Variants in SMARCC1 observed in about 807,000 individuals in gnomAD.
The protein encoded by SMARCC1 is SWI/SNF related BAF chromatin remodeling complex subunit C1.
Under a neutral mutation model 147.4 loss-of-function variants are expected in SMARCC1, and 43 were observed. That is an observed-to-expected ratio of 0.29 (90% confidence interval 0.23 to 0.38). SMARCC1 has a LOEUF of 0.38. Among genes scored for constraint, SMARCC1 ranks in the 10% least tolerant of loss-of-function variants. The probability of loss-of-function intolerance (pLI) is 1.00; values close to 1 mark genes in which losing one functional copy is unlikely to be tolerated. For missense variants in SMARCC1, 1,119 were observed against 1,381.1 expected (o/e 0.81, Z 3.01); for synonymous variants, 495 against 484.4 (o/e 1.02, Z -0.29).
chr3:47,600,339 C>T (rs1386737372), intron 26 of SMARCC1, among the ~76,000 whole-genome samples: 2 of 152,160 alleles, frequency 1.3e-5, no homozygotes, highest in Non-Finnish European at 2.9e-5. Flanking sequence ...CTGTCAGATG[C>T]TAAGCAACTC....
intron 14 of SMARCC1, among the ~76,000 whole-genome samples, chr3:47,681,179 G>C (rs1285122894): frequency 6.6e-6 from 1 of 152,154 alleles, no homozygotes; most frequent in African/African-American, 2.4e-5. Flanking sequence ...AGCTGGCACG[G>C]CATGGCAACA....
At chr3:47,679,457 A>G (rs1297541845) in intron 15 of SMARCC1, among the ~76,000 whole-genome samples, 1 of 152,228 alleles carries the variant, frequency 6.6e-6, no homozygotes, top group Non-Finnish European at 1.5e-5. Context: ...ATGCAGCTAT[A>G]TCATCATATC....
Position 47,671,197 on chromosome 3 carries a change from A to AAC in SMARCC1, c.1840-482_1840-481dup, listed in dbSNP as rs1553682027. On this transcript the variant is annotated intron_variant, in intron 18 of 27. Coordinates refer to ENST00000254480, the MANE Select transcript of SMARCC1 (RefSeq NM_003074.4). ...TCAAAAAAAAAAAAAAAAAAAAAAA[A>AAC]ACACACACAAAAACCAAAACCAAAA... Among the ~76,000 whole-genome samples the AAC allele has an allele frequency of 7.1e-3, 441 of 62,226 alleles. 2 individuals are homozygous for AAC. Among genetic ancestry groups the AAC allele is most frequent in the South Asian group, 0.011 (25 of 2,212 alleles). The allele number at this position is 62,226 out of a possible 152,430, so 40.8% of individuals were successfully genotyped here. A position where few individuals can be genotyped will look rare whatever the true frequency, so the allele number is the denominator to read the frequency against.
Position 47,622,354 on chromosome 3 carries a change from G to T in SMARCC1, c.2647-13C>A. On this transcript the variant is annotated splice_polypyrimidine_tract_variant and intron_variant, in intron 24 of 27. Transcript: ENST00000254480. ...CTGCAGCCAGGTGCTAAGGGTACAA[G>T]ATCATTCAAGCTATTTAGGTAAACA... The T allele has an allele frequency of 6.2e-7, 1 of 1,612,396 alleles. No individual in the cohort carries two copies. The highest frequency in any genetic ancestry group is 8.5e-7 in the Non-Finnish European group (1 of 1,179,174).
At chr3:47,701,643 G>A (rs1032439315) in intron 10 of SMARCC1, 5 of 407,950 alleles carry the variant, frequency 1.2e-5, no homozygotes, top group South Asian at 8.0e-5. Context: ...GCGAATCCCC[G>A]TCTCTACTGA....
intron 14 of SMARCC1, among the ~76,000 whole-genome samples, chr3:47,682,509 A>T (rs1053402595): frequency 2.0e-5 from 3 of 152,124 alleles, no homozygotes; most frequent in Non-Finnish European, 4.4e-5. Context: ...CACCAGCCTC[A>T]GCCTCTCAAA....
chr3:47,641,091 A>C (rs1290398546), intron 21 of SMARCC1, among the ~76,000 whole-genome samples: 1 of 152,236 alleles, frequency 6.6e-6, no homozygotes, highest in Non-Finnish European at 1.5e-5. Context: ...GAAAGATGCC[A>C]ACAGTATTCT....
At chr3:47,645,881 AT>A (rs1310947553) in intron 21 of SMARCC1, among the ~76,000 whole-genome samples, 2 of 152,228 alleles carry the variant, frequency 1.3e-5, no homozygotes, top group Non-Finnish European at 2.9e-5. Flanking sequence ...TAATATCTAT[AT>A]GATAATAGTA....
At chr3:47,761,157 C>G (rs200318556) in intron 2 of SMARCC1, among the ~76,000 whole-genome samples, 1 of 60,478 alleles carries the variant, frequency 1.7e-5, no homozygotes, top group African/African-American at 4.4e-5. Context: ...AAAAGAAAAG[C>G]CAGGCGTGGT....
intron 24 of SMARCC1, among the ~76,000 whole-genome samples, chr3:47,625,971 T>C (rs2032803231): frequency 6.6e-6 from 1 of 151,838 alleles, no homozygotes; most frequent in African/African-American, 2.4e-5. Flanking sequence ...CAGGGCAACA[T>C]AATGAGACCC....
chr3:47,723,745 G>A (rs1442819383), intron 6 of SMARCC1, among the ~76,000 whole-genome samples: 2 of 152,038 alleles, frequency 1.3e-5, no homozygotes, highest in African/African-American at 4.8e-5. Context: ...GGGAGGTGGA[G>A]GTTGCAGCGA....
chr3:47,684,177 T>C (rs1663626817), intron 14 of SMARCC1, among the ~76,000 whole-genome samples: 2 of 150,020 alleles, frequency 1.3e-5, no homozygotes, highest in African/African-American at 4.9e-5. Context: ...GAGGCGGAGC[T>C]TGCAGTGAGC....
intron 2 of SMARCC1, among the ~76,000 whole-genome samples, chr3:47,767,635 C>T (rs1213747261): frequency 2.9e-5 from 4 of 138,824 alleles, no homozygotes; most frequent in Non-Finnish European, 4.6e-5. Flanking sequence ...CTTGGGAGGC[C>T]GAGGCGGGTG....
chr3:47,775,740 C>CGCACTCCAGCCTGGGT (rs1559670272), intron 1 of SMARCC1, among the ~76,000 whole-genome samples: 3 of 151,864 alleles, frequency 2.0e-5, no homozygotes, highest in South Asian at 2.1e-4. Context: ...ATCGTGCCAC[C>CGCACTCCAGCCTGGGT]GCACTCCAGC....
intron 5 of SMARCC1, 127 bp downstream of exon 5, chr3:47,735,907 A>G: frequency 2.1e-6 from 1 of 486,522 alleles, no homozygotes; most frequent in Non-Finnish European, 3.6e-6. Flanking sequence ...CTCAAGAAAA[A>G]AATTTCTTTT....
chr3:47,652,361 G>A (rs962663153), intron 21 of SMARCC1, among the ~76,000 whole-genome samples: 2 of 152,152 alleles, frequency 1.3e-5, no homozygotes, highest in African/African-American at 4.8e-5. Flanking sequence ...GGAGACAGGT[G>A]TTAAGTTCTC....
At chr3:47,669,174 A>C (rs2106746400) in intron 19 of SMARCC1, among the ~76,000 whole-genome samples, 1 of 152,360 alleles carries the variant, frequency 6.6e-6, no homozygotes, top group South Asian at 2.1e-4. Context: ...CACTTCACAG[A>C]TTCCACCTGA....
rs184192276 is a variant in SMARCC1, at chr3:47,696,984, T to C, written c.1166-3684A>G. Reference sequence around the variant, plus strand: ...TCCAGCAATCCTCTCACTGAATAGCTAGGACTACAGGGAAAGGCCACCATG... The same window carrying C: ...TCCAGCAATCCTCTCACTGAATAGCCAGGACTACAGGGAAAGGCCACCATG... On this transcript the variant is annotated intron_variant, in intron 11 of 27. Transcript: ENST00000254480. Among the ~76,000 whole-genome samples, 27 of 152,224 alleles carry C rather than the reference T, an allele frequency of 1.8e-4. 1 individual carries two copies. Among genetic ancestry groups the C allele is most frequent in the African/African-American group, 5.8e-4 (24 of 41,528 alleles).
chr3:47,737,955 G>A lies in SMARCC1; in HGVS notation c.483+74C>T, dbSNP rs144023402. On this transcript the variant is annotated intron_variant, in intron 4 of 27. Coordinates refer to ENST00000254480, the MANE Select transcript of SMARCC1 (RefSeq NM_003074.4). Reference sequence around the variant, plus strand: ...TGGGATTACAGGCATGAGCCACCGCGCCTGGCCAGCCAATCTTAAAACTGA... The same window carrying A: ...TGGGATTACAGGCATGAGCCACCGCACCTGGCCAGCCAATCTTAAAACTGA... 1.1e-3 allele frequency: 1,167 copies of A among 1,066,518 alleles called. 8 individuals carry two copies. In the African/African-American group the frequency reaches 0.014, roughly 13 times the overall value. The allele number at this position is 1,066,518 out of a possible 1,614,324, so 66.1% of individuals were successfully genotyped here. A position where few individuals can be genotyped will look rare whatever the true frequency, so the allele number is the denominator to read the frequency against.
Sources: allele counts gnomAD v4.1 joint callset (sites outside exome capture counted in the v4.1 genomes callset), GRCh38; gene constraint gnomAD v4.1.1; transcripts MANE v1.5; gene names NCBI Gene and HGNC (gene_info 2026-07-23, HGNC 2026-07-21).